Variants in EPB41L4A observed in about 807,000 individuals in gnomAD.
The protein encoded by EPB41L4A is band 4.1-like protein 4A.
EPB41L4A carries 100 observed loss-of-function variants against 108.6 expected under a neutral mutation model. That is an observed-to-expected ratio of 0.92 (90% CI 0.78 to 1.09). EPB41L4A has a LOEUF of 1.09. Ranked by LOEUF, EPB41L4A falls within the 50% of genes least tolerant of loss-of-function variation. The pLI, the probability that EPB41L4A is intolerant of heterozygous loss-of-function variation, is 0.00. For missense variants in EPB41L4A, 1,030 were observed against 842.7 expected (o/e 1.22, Z -2.75); for synonymous variants, 319 against 289.0 (o/e 1.10, Z -1.05).
chr5:112,361,718 AT>A lies in EPB41L4A; in HGVS notation c.100-54229del, dbSNP rs1489028699. On this transcript the variant is annotated intron_variant, in intron 1 of 22. Transcript: ENST00000261486. ...CCAAAAATGCTAAAAAAAAATAATA[AT>A]AATAATAATAATAATAAACTGACTG... Among the ~76,000 whole-genome samples, 425 of 116,774 alleles carry A rather than the reference AT, an allele frequency of 3.6e-3. 3 individuals carry two copies. The highest frequency in any genetic ancestry group is 0.011 in the African/African-American group (396 of 35,136). The allele number at this position is 116,774 out of a possible 152,430, so 76.6% of individuals were successfully genotyped here. A position where few individuals can be genotyped will look rare whatever the true frequency, so the allele number is the denominator to read the frequency against.
At chr5:112,317,750 G>T (rs541784532) in intron 1 of EPB41L4A, among the ~76,000 whole-genome samples, 2 of 152,084 alleles carry the variant, frequency 1.3e-5, no homozygotes, top group Admixed American at 1.3e-4. Flanking sequence ...TTCTAAAATT[G>T]TTATGTTTTG....
intron 12 of EPB41L4A, among the ~76,000 whole-genome samples, chr5:112,218,034 C>A (rs2150329558): frequency 6.6e-6 from 1 of 152,302 alleles, no homozygotes; most frequent in Non-Finnish European, 1.5e-5. Context: ...ACTTCCTCCT[C>A]TGCCCTTCCC....
At chr5:112,223,322 A>G (rs1748206964) in intron 12 of EPB41L4A, among the ~76,000 whole-genome samples, 1 of 152,048 alleles carries the variant, frequency 6.6e-6, no homozygotes, top group Non-Finnish European at 1.5e-5. Context: ...AACCCCCAAA[A>G]TCTTTAACAT....
At chr5:112,327,894 GTTCTACCATACATTTT>G (rs1756282474) in intron 1 of EPB41L4A, among the ~76,000 whole-genome samples, 2 of 152,168 alleles carry the variant, frequency 1.3e-5, no homozygotes, top group Admixed American at 6.5e-5. Context: ...GTTCACTGCA[GTTCTACCATACATTTT>G]CACTACATGC....
chr5:112,415,123 AT>A (rs1437924876), intron 1 of EPB41L4A, among the ~76,000 whole-genome samples: 10 of 152,242 alleles, frequency 6.6e-5, no homozygotes, highest in Admixed American at 6.5e-4. Context: ...GAAAATTGTA[AT>A]TTTTGGTAAG....
At position 112,163,628 on chromosome 5, in the gene EPB41L4A, A is replaced by T. The variant is rs1188464076; in HGVS notation, c.*1362T>A. Reference sequence around the variant, plus strand: ...TGATTGATATTAGTGGAGTAGAGGGAAAGATCCATGTTAGAGATAGCTTAA... The same window carrying T: ...TGATTGATATTAGTGGAGTAGAGGGTAAGATCCATGTTAGAGATAGCTTAA... On this transcript the variant is annotated 3_prime_UTR_variant, in exon 23 of 23. Coordinates refer to ENST00000261486, the MANE Select transcript of EPB41L4A (RefSeq NM_022140.5). 1 of 152,200 alleles carries T rather than the reference A, an allele frequency of 6.6e-6. No individual in the cohort carries two copies. The highest frequency in any genetic ancestry group is 1.5e-5 in the Non-Finnish European group (1 of 68,052). 9.4% of individuals were successfully genotyped at this position (152,200 alleles called of 1,614,324 possible).
intron 1 of EPB41L4A, among the ~76,000 whole-genome samples, chr5:112,357,589 C>T (rs1054652503): frequency 3.3e-5 from 5 of 152,202 alleles, no homozygotes; most frequent in African/African-American, 4.8e-5. Context: ...TGGACTTCTA[C>T]AGCATGACAT....
intron 12 of EPB41L4A, among the ~76,000 whole-genome samples, chr5:112,221,423 C>T (rs148794453): frequency 2.7e-4 from 41 of 152,270 alleles, no homozygotes; most frequent in Non-Finnish European, 4.1e-4. Flanking sequence ...GCCAGTTTAC[C>T]CATTGTAAAT....
chr5:112,184,231 G>T, intron 17 of EPB41L4A, 96 bp from the exon 18 acceptor site: 2 of 1,417,852 alleles, frequency 1.4e-6, no homozygotes, highest in Non-Finnish European at 1.9e-6. Flanking sequence ...TTAAGCAGCA[G>T]AAATTTTATT....
chr5:112,147,022 T>A lies in EPB41L4A; in HGVS notation n.995-1024A>T, dbSNP rs538183966. Among the ~76,000 whole-genome samples the A allele has an allele frequency of 5.3e-5, 8 of 152,350 alleles. No homozygotes were observed. In the East Asian group the frequency reaches 5.8e-4, roughly 11 times the overall value. ...TTCTACTCCAATATGACTATTCAGT[T>A]GTTCATTTATTCCAATTAAAGTGTA... is the stretch of plus-strand genomic sequence containing the variant. On this transcript the variant is annotated intron_variant and non_coding_transcript_variant, in intron 12 of 13. Coordinates refer to the EPB41L4A transcript ENST00000507810.
At chr5:112,167,123 C>CAAAAAAAAAAAAAAAAAA (rs10642511) in intron 22 of EPB41L4A, among the ~76,000 whole-genome samples, 1 of 110,588 alleles carries the variant, frequency 9.0e-6, no homozygotes, top group African/African-American at 3.4e-5. Context: ...AAATTTAAGA[C>CAAAAAAAAAAAAAAAAAA]AAAAAAAAAA....
At chr5:112,336,067 G>A (rs1756895229) in intron 1 of EPB41L4A, among the ~76,000 whole-genome samples, 1 of 152,178 alleles carries the variant, frequency 6.6e-6, no homozygotes, top group Admixed American at 6.5e-5. Flanking sequence ...GAGGAAATGA[G>A]AACTAACAAA....
At chr5:112,276,320 G>T (rs1752629195) in intron 3 of EPB41L4A, among the ~76,000 whole-genome samples, 1 of 151,942 alleles carries the variant, frequency 6.6e-6, no homozygotes, top group South Asian at 2.1e-4. Context: ...ATGTACATGG[G>T]CAAATAAAAA....
chr5:112,222,997 A>G (rs1238646082), intron 12 of EPB41L4A, among the ~76,000 whole-genome samples: 5 of 149,932 alleles, frequency 3.3e-5, no homozygotes, highest in African/African-American at 4.9e-5. Flanking sequence ...GCTGGAGTGC[A>G]GTGGCACAAT....
intron 2 of EPB41L4A, among the ~76,000 whole-genome samples, chr5:112,297,820 T>G (rs1754097029): frequency 6.6e-6 from 1 of 152,198 alleles, no homozygotes; most frequent in African/African-American, 2.4e-5. Flanking sequence ...GAGTTGATTT[T>G]TGCATAAGGC....
intron 1 of EPB41L4A, among the ~76,000 whole-genome samples, chr5:112,310,287 C>T (rs895165800): frequency 6.6e-6 from 1 of 152,182 alleles, no homozygotes; most frequent in Non-Finnish European, 1.5e-5. Context: ...TATTCCCAGC[C>T]GTCTTGCTAA....
chr5:112,320,484 A>T (rs1755702978), intron 1 of EPB41L4A, among the ~76,000 whole-genome samples: 1 of 152,212 alleles, frequency 6.6e-6, no homozygotes, highest in African/African-American at 2.4e-5. Context: ...GTGTTCTACA[A>T]AAGGGTAATT....
intron 12 of EPB41L4A, among the ~76,000 whole-genome samples, chr5:112,233,054 T>A (rs1010349116): frequency 6.6e-6 from 1 of 151,948 alleles, no homozygotes; most frequent in Non-Finnish European, 1.5e-5. Flanking sequence ...TAAAAAAAAA[T>A]CTGAATAACC....
intron 13 of EPB41L4A, among the ~76,000 whole-genome samples, chr5:112,145,571 C>A (rs1026484719): frequency 6.6e-6 from 1 of 152,188 alleles, no homozygotes; most frequent in African/African-American, 2.4e-5. Context: ...AGCTACTTAT[C>A]CTGTATACAT....
Sources: allele counts gnomAD v4.1 joint callset (sites outside exome capture counted in the v4.1 genomes callset), GRCh38; gene constraint gnomAD v4.1.1; transcripts MANE v1.5; gene names NCBI Gene and HGNC (gene_info 2026-07-23, HGNC 2026-07-21).